The following CRPPA variants were observed in gnomAD, a reference collection of about 807,000 sequenced individuals.
CRPPA encodes the protein CDP-L-ribitol pyrophosphorylase A.
In CRPPA, 43 loss-of-function variants were observed where a neutral mutation model predicts 52.0. The ratio of observed to expected loss-of-function variants is 0.83; its 90% CI spans 0.65 to 1.07. CRPPA has a LOEUF of 1.07. Among genes scored for constraint, CRPPA ranks in the 50% least tolerant of loss-of-function variants. CRPPA has a pLI of 0.00. For missense variants in CRPPA, 629 were observed against 551.7 expected, an observed-to-expected ratio of 1.14 and a Z score of -1.40; for synonymous variants, 250 against 203.5, an observed-to-expected ratio of 1.23 and a Z score of -1.94.
chr7:16,381,893 A>G (rs978346922), intron 2 of CRPPA, among the ~76,000 whole-genome samples: 68 of 152,196 alleles, frequency 4.5e-4, no homozygotes, highest in African/African-American at 1.5e-3. Flanking sequence ...GTCTCTGCAC[A>G]TGAGATGGGT....
At chr7:16,335,492 C>T (rs1167391969) in intron 3 of CRPPA, among the ~76,000 whole-genome samples, 3 of 152,098 alleles carry the variant, frequency 2.0e-5, no homozygotes, top group Non-Finnish European at 4.4e-5. Flanking sequence ...ACTACAATAA[C>T]TGAACCGAAA....
At chr7:16,185,077 T>G (rs1266738445) in intron 9 of CRPPA, among the ~76,000 whole-genome samples, 1 of 152,160 alleles carries the variant, frequency 6.6e-6, no homozygotes, top group Non-Finnish European at 1.5e-5. Flanking sequence ...TATTAGTCCA[T>G]TTTCATTCTG....
At chr7:16,288,562 C>T (rs1449511008) in intron 5 of CRPPA, among the ~76,000 whole-genome samples, 1 of 151,834 alleles carries the variant, frequency 6.6e-6, no homozygotes, top group Admixed American at 6.6e-5. Flanking sequence ...AAACACAATA[C>T]AGGCTGGGCA....
At chr7:16,109,253 A>T (rs1782213233) in intron 9 of CRPPA, among the ~76,000 whole-genome samples, 1 of 152,022 alleles carries the variant, frequency 6.6e-6, no homozygotes, top group African/African-American at 2.4e-5. Flanking sequence ...ACACAAAAAT[A>T]CAAAGGGTAA....
rs576789646 is a variant in CRPPA at position 16,096,447 on chromosome 7, T to A, written c.1252-4648A>T. ...AAAAATGGAAATTTTCAACATAGAA[T>A]CTATAATAAAGAGAATTTTACAATT... On this transcript the variant is annotated intron_variant, in intron 9 of 9. Transcript: ENST00000407010. 2.2e-3 allele frequency among the ~76,000 whole-genome samples: 342 copies of A among 152,166 alleles called. 2 individuals carry two copies. Among genetic ancestry groups the A allele is most frequent in the Middle Eastern group, 0.01 (3 of 294 alleles).
At chr7:16,330,125 C>T (rs926807164) in intron 3 of CRPPA, among the ~76,000 whole-genome samples, 4 of 152,194 alleles carry the variant, frequency 2.6e-5, no homozygotes, top group Admixed American at 6.5e-5. Flanking sequence ...CACACGTTAA[C>T]AACTACGACA....
intron 9 of CRPPA, among the ~76,000 whole-genome samples, chr7:16,190,600 A>T (rs1299492517): frequency 6.6e-6 from 1 of 152,166 alleles, no homozygotes; most frequent in Non-Finnish European, 1.5e-5. Context: ...GCATATTTTA[A>T]TGTGGCTTTC....
chr7:16,233,561 G>T (rs965802874), intron 8 of CRPPA, among the ~76,000 whole-genome samples: 1 of 152,088 alleles, frequency 6.6e-6, no homozygotes. Context: ...AAACTACAGT[G>T]ACTAATACAA....
intron 3 of CRPPA, among the ~76,000 whole-genome samples, chr7:16,341,203 A>G (rs1382195421): frequency 6.6e-6 from 1 of 152,120 alleles, no homozygotes; most frequent in African/African-American, 2.4e-5. Flanking sequence ...GCCTTGAAAC[A>G]TAGAACACCA....
intron 8 of CRPPA, among the ~76,000 whole-genome samples, chr7:16,233,599 A>T (rs1210412633): frequency 6.6e-6 from 1 of 152,194 alleles, no homozygotes; most frequent in Non-Finnish European, 1.5e-5. Context: ...AATTCAATGC[A>T]TGTCTGCACA....
chr7:16,328,182 A>T (rs979179191), intron 3 of CRPPA, among the ~76,000 whole-genome samples: 4 of 151,858 alleles, frequency 2.6e-5, no homozygotes, highest in African/African-American at 9.7e-5. Flanking sequence ...AAGTCTTTTT[A>T]TTTTCATGGT....
At chr7:16,268,592 A>T (rs1486768048) in intron 6 of CRPPA, among the ~76,000 whole-genome samples, 8 of 152,182 alleles carry the variant, frequency 5.3e-5, no homozygotes, top group African/African-American at 1.9e-4. Context: ...AAAATATTTT[A>T]AAAATACTAA....
chr7:16,418,290 A>T (rs73291285), intron 1 of CRPPA, among the ~76,000 whole-genome samples: 18,575 of 152,260 alleles, frequency 0.12, 1,513 homozygotes, highest in East Asian at 0.25. Context: ...GTATTTCAGA[A>T]TGAAAATTTT....
chr7:16,333,853 A>G (rs1336308211), intron 3 of CRPPA, among the ~76,000 whole-genome samples: 1 of 152,172 alleles, frequency 6.6e-6, no homozygotes, highest in African/African-American at 2.4e-5. Flanking sequence ...GAGAAAAGTC[A>G]CAATTGAACT....
At chr7:16,198,375 C>G (rs1480229710) in intron 9 of CRPPA, among the ~76,000 whole-genome samples, 2 of 77,526 alleles carry the variant, frequency 2.6e-5, no homozygotes, top group Non-Finnish European at 4.8e-5. Context: ...GTATGCATAT[C>G]TAAAAGCACA....
rs752838602 is a variant in CRPPA at position 16,089,607 on chromosome 7, G to A, written c.*2088C>T. ...CATGCATGTATATACATATATATGG[G>A]TATACATACATGTATATGTATGTAT... On this transcript the variant is annotated 3_prime_UTR_variant, in exon 10 of 10. Coordinates refer to ENST00000407010, the MANE Select transcript of CRPPA (RefSeq NM_001101426.4). 9.6e-5 allele frequency: 21 copies of A among 219,138 alleles called. No individual in the cohort carries two copies. The highest frequency in any genetic ancestry group is 1.9e-4 in the Non-Finnish European group (19 of 100,380). 13.6% of individuals were successfully genotyped at this position (219,138 alleles called of 1,614,324 possible).
At chr7:16,206,908 A>T (rs1781987646) in intron 9 of CRPPA, among the ~76,000 whole-genome samples, 1 of 152,146 alleles carries the variant, frequency 6.6e-6, no homozygotes, top group Non-Finnish European at 1.5e-5. Flanking sequence ...GGAAGTTTGA[A>T]TCTTAATTAA....
At chr7:16,209,172 C>A (rs887760892) in intron 9 of CRPPA, 2 of 336,962 alleles carry the variant, frequency 5.9e-6, no homozygotes, top group South Asian at 5.1e-5. Context: ...AAGCCCAGAC[C>A]AACCGCAGAT....
chr7:16,142,748 G>T (rs1010962939), intron 9 of CRPPA, among the ~76,000 whole-genome samples: 21 of 152,230 alleles, frequency 1.4e-4, no homozygotes, highest in Admixed American at 6.5e-5. Flanking sequence ...TCTGTCCTGT[G>T]TTAAATTCTA....
Sources: allele counts gnomAD v4.1 joint callset (sites outside exome capture counted in the v4.1 genomes callset), GRCh38; gene constraint gnomAD v4.1.1; transcripts MANE v1.5; gene names NCBI Gene and HGNC (gene_info 2026-07-23, HGNC 2026-07-21).